The following NPAS3 variants were observed in gnomAD, a reference collection of about 807,000 sequenced individuals.
NPAS3 encodes the protein neuronal PAS domain-containing protein 3.
In NPAS3, 14 loss-of-function variants were observed where a neutral mutation model predicts 73.1. The observed-to-expected ratio is 0.19, with a 90% CI of 0.13 to 0.30. The LOEUF (loss-of-function observed/expected upper bound fraction) is 0.30. Among genes scored for constraint, NPAS3 ranks in the 10% least tolerant of loss-of-function variants. The probability of loss-of-function intolerance (pLI) is 1.00; values close to 1 mark genes in which losing one functional copy is unlikely to be tolerated. For missense variants in NPAS3, 1,096 were observed against 1,250.0 expected (o/e 0.88, Z 1.86); for synonymous variants, 620 against 541.5 (o/e 1.14, Z -2.01).
At chr14:33,739,153 T>A (rs1184058460) in intron 7 of NPAS3, among the ~76,000 whole-genome samples, 1 of 152,188 alleles carries the variant, frequency 6.6e-6, no homozygotes, top group Non-Finnish European at 1.5e-5. Context: ...TATATAATGC[T>A]CGGAGTGTCT....
chr14:32,970,479 A>G (rs545142908), intron 1 of NPAS3, among the ~76,000 whole-genome samples: 88 of 152,322 alleles, frequency 5.8e-4, no homozygotes, highest in African/African-American at 2.0e-3. Flanking sequence ...AATTCACACA[A>G]CACACAAATA....
At chr14:33,236,405 G>A (rs971804892) in intron 3 of NPAS3, among the ~76,000 whole-genome samples, 9 of 151,944 alleles carry the variant, frequency 5.9e-5, no homozygotes, top group African/African-American at 1.9e-4. Flanking sequence ...ATTTAGAATT[G>A]AAAGTATATA....
chr14:33,533,707 T>C (rs1430477970), intron 4 of NPAS3, among the ~76,000 whole-genome samples: 1 of 152,158 alleles, frequency 6.6e-6, no homozygotes, highest in Non-Finnish European at 1.5e-5. Flanking sequence ...TGGTTAAATT[T>C]ATTATGAAAT....
intron 4 of NPAS3, among the ~76,000 whole-genome samples, chr14:33,497,712 G>T (rs183028453): frequency 3.4e-4 from 51 of 152,212 alleles, no homozygotes; most frequent in African/African-American, 1.1e-3. Flanking sequence ...ATGGTTTAAA[G>T]ACTTAAATGT....
intron 3 of NPAS3, among the ~76,000 whole-genome samples, chr14:33,266,551 T>C (rs2040826054): frequency 6.6e-6 from 1 of 152,194 alleles, no homozygotes; most frequent in Non-Finnish European, 1.5e-5. Context: ...CTAAATACAA[T>C]TTAATTATTG....
chr14:33,250,955 T>C (rs538770624), intron 3 of NPAS3, among the ~76,000 whole-genome samples: 1 of 152,152 alleles, frequency 6.6e-6, no homozygotes, highest in Admixed American at 6.6e-5. Flanking sequence ...GATGTATTTA[T>C]ACTTCTCAAA....
intron 2 of NPAS3, among the ~76,000 whole-genome samples, chr14:33,090,852 C>T (rs1032934549): frequency 1.3e-5 from 2 of 152,204 alleles, no homozygotes; most frequent in African/African-American, 2.4e-5. Flanking sequence ...TCACTCAAAA[C>T]CGCTCAACTA....
At chr14:33,090,796 C>A (rs909728936) in intron 2 of NPAS3, among the ~76,000 whole-genome samples, 4 of 152,192 alleles carry the variant, frequency 2.6e-5, no homozygotes, top group Non-Finnish European at 5.9e-5. Flanking sequence ...ATAACAAACT[C>A]TCTCAGACCA....
chr14:33,794,834 G>A (rs891204190), intron 10 of NPAS3, among the ~76,000 whole-genome samples: 1 of 152,004 alleles, frequency 6.6e-6, no homozygotes, highest in Non-Finnish European at 1.5e-5. Context: ...TTGAGTTTGG[G>A]GGCAGGCTTT....
chr14:33,249,915 C>A (rs1594507996), intron 3 of NPAS3, among the ~76,000 whole-genome samples: 1 of 151,532 alleles, frequency 6.6e-6, no homozygotes, highest in African/African-American at 2.4e-5. Context: ...CATACACACA[C>A]ACACACACAC....
chr14:33,182,182 T>A (rs1165008561), intron 2 of NPAS3, among the ~76,000 whole-genome samples: 1 of 152,212 alleles, frequency 6.6e-6, no homozygotes, highest in African/African-American at 2.4e-5. Context: ...TTAAAGAAGA[T>A]GGCAATTGTG....
At chr14:33,399,446 A>G (rs2047358274) in intron 4 of NPAS3, among the ~76,000 whole-genome samples, 1 of 152,112 alleles carries the variant, frequency 6.6e-6, no homozygotes, top group Non-Finnish European at 1.5e-5. Context: ...AAAAGCCTCC[A>G]TTAAACTTTC....
rs2042965838 is a variant in NPAS3 at position 33,113,564 on chromosome 14, T to G, written c.140+57570T>G. Among the ~76,000 whole-genome samples the G allele has an allele frequency of 4.6e-5, 7 of 152,204 alleles. No homozygotes were observed. In the South Asian group the frequency reaches 1.2e-3, roughly 27 times the overall value. On this transcript the variant is annotated intron_variant, in intron 2 of 11. Coordinates refer to ENST00000356141, the Ensembl canonical transcript of NPAS3. ...GTTGCTTATCAGCTTAAGGAGATTT[T>G]GGGCTGAGACAATAGGGTTTTCTAA... is the stretch of plus-strand genomic sequence containing the variant.
chr14:33,107,226 T>TA (rs916053607), intron 2 of NPAS3, among the ~76,000 whole-genome samples: 3 of 152,118 alleles, frequency 2.0e-5, no homozygotes, highest in South Asian at 2.1e-4. Flanking sequence ...TTATGCTCTG[T>TA]AAAAAAATAT....
chr14:33,400,221 A>G (rs1467043935), intron 4 of NPAS3, among the ~76,000 whole-genome samples: 3 of 152,148 alleles, frequency 2.0e-5, no homozygotes, highest in African/African-American at 4.8e-5. Flanking sequence ...TTCATCATAC[A>G]CACTTGTGAT....
At chr14:33,218,354 C>G (rs1036243751) in intron 3 of NPAS3, among the ~76,000 whole-genome samples, 4 of 152,148 alleles carry the variant, frequency 2.6e-5, no homozygotes, top group Admixed American at 1.3e-4. Context: ...GGAGCACTTT[C>G]TATAAACTGG....
Position 33,585,544 on chromosome 14 carries a change from C to G in NPAS3, c.558+25334C>G, listed in dbSNP as rs552985535. ...GTTTGATCTTTTGGATTGAAATAAC[C>G]TTATCATCTTTTACAAATTTTCTGA... On this transcript the variant is annotated intron_variant, in intron 5 of 11. Coordinates refer to ENST00000356141, the Ensembl canonical transcript of NPAS3. Among the ~76,000 whole-genome samples the G allele has an allele frequency of 2.0e-5, 3 of 152,204 alleles. No homozygotes were observed. In the East Asian group the frequency reaches 5.8e-4, roughly 29 times the overall value.
chr14:33,707,210 T>C (rs2060680167), intron 6 of NPAS3, among the ~76,000 whole-genome samples: 1 of 152,222 alleles, frequency 6.6e-6, no homozygotes, highest in Admixed American at 6.5e-5. Context: ...TTAGACAGTA[T>C]GTGCTGTTGA....
chr14:33,533,343 T>C (rs556773339), intron 4 of NPAS3, among the ~76,000 whole-genome samples: 3 of 152,170 alleles, frequency 2.0e-5, no homozygotes, highest in East Asian at 3.9e-4. Context: ...GGTCAAAAGA[T>C]ACGAATGGAA....
Sources: gnomAD v4.1 joint callset for allele counts (sites outside exome capture counted in the v4.1 genomes callset) on GRCh38, gnomAD v4.1.1 for gene constraint, MANE v1.5 for transcripts, NCBI Gene and HGNC (gene_info 2026-07-23, HGNC 2026-07-21) for gene names.